GSE1: variants seen among roughly 807,000 people sequenced by gnomAD.
GSE1 encodes Gse1 coiled-coil protein, also known as genetic suppressor element 1.
A neutral mutation model predicts 112.6 loss-of-function variants in GSE1; 32 were observed. The ratio of observed to expected loss-of-function variants is 0.28; its 90% confidence interval spans 0.21 to 0.38. The LOEUF (loss-of-function observed/expected upper bound fraction) is 0.38. Among genes scored for constraint, GSE1 ranks in the 10% least tolerant of loss-of-function variants. The probability of loss-of-function intolerance (pLI) is 1.00; values close to 1 mark genes in which losing one functional copy is unlikely to be tolerated. For missense variants in GSE1, 2,348 were observed against 1,699.2 expected (o/e 1.38, Z -6.71); for synonymous variants, 1,115 against 735.6 (o/e 1.52, Z -8.35).
At chr16:85,324,859 A>G (rs2046193183) in intron 1 of GSE1, among the ~76,000 whole-genome samples, 1 of 152,192 alleles carries the variant, frequency 6.6e-6, no homozygotes, top group Non-Finnish European at 1.5e-5. Flanking sequence ...GGGTGATGGA[A>G]GAGTTCTGGA....
chr16:85,235,475 G>A (rs1475472130), intron 1 of GSE1, among the ~76,000 whole-genome samples: 1 of 131,074 alleles, frequency 7.6e-6, no homozygotes, highest in African/African-American at 2.8e-5. Context: ...TGTGTGTAGG[G>A]GGTGTGTTCT....
chr16:85,523,998 T>C (rs2052279756), intron 2 of GSE1, among the ~76,000 whole-genome samples: 1 of 152,132 alleles, frequency 6.6e-6, no homozygotes, highest in Non-Finnish European at 1.5e-5. Flanking sequence ...GGTGATGCTG[T>C]TTCCGAGACC....
rs571183098 is a variant in GSE1 at position 85,311,675 on chromosome 16, G to A, written c.2284-45788G>A. Among the ~76,000 whole-genome samples the A allele has an allele frequency of 1.7e-3, 262 of 152,272 alleles. 2 individuals carry two copies. Among genetic ancestry groups the A allele is most frequent in the African/African-American group, 6.2e-3 (259 of 41,566 alleles). ...GTACCTGGGCCTGGTGGCTCTGTCT[G>A]TGGCTCTCTTGGGGCCCTGGATACC... On this transcript the variant is annotated intron_variant, in intron 1 of 2. Coordinates refer to the GSE1 transcript ENST00000637419. This position sits in a 1 kb window ranked among gnomAD's most constrained non-coding sequence, Gnocchi z 4.2.
In GSE1 at chr16:85,634,008, C is replaced by T; in HGVS notation, c.102C>T (p.Leu34=). The T allele has an allele frequency of 6.2e-7, 1 of 1,612,500 alleles. No homozygotes were observed. The highest frequency in any genetic ancestry group is 8.5e-7 in the Non-Finnish European group (1 of 1,179,484). ...TCAACCCCCTCACCCCCTCGCCGCT[C>T]AATGGCGCCCTGGTGCCCAGCGGCA... ...ATVNPLTPSP[L]NGALVPSGSP... is the part of the protein sequence containing the mutation. The change falls in exon 2 of 16, where the codon CTC becomes CTT. Residue 34 remains leucine, a synonymous_variant. Coordinates refer to ENST00000253458, the MANE Select transcript of GSE1 (RefSeq NM_014615.5).
chr16:85,288,369 A>G (rs1227324382), intron 1 of GSE1, among the ~76,000 whole-genome samples: 1 of 152,234 alleles, frequency 6.6e-6, no homozygotes, highest in Non-Finnish European at 1.5e-5. Context: ...CTCGTAGGAC[A>G]ATACAGCCAA....
intron 2 of GSE1, among the ~76,000 whole-genome samples, chr16:85,519,906 G>T (rs2052123203): frequency 6.6e-6 from 1 of 152,200 alleles, no homozygotes; most frequent in Non-Finnish European, 1.5e-5. Flanking sequence ...TAAGGAGAAG[G>T]AAGGCACCTT....
chr16:85,668,941 C>T (rs571045763), intron 14 of GSE1, among the ~76,000 whole-genome samples: 120 of 152,344 alleles, frequency 7.9e-4, no homozygotes, highest in Non-Finnish European at 1.3e-3. Context: ...AAGGCTTAGT[C>T]GAAGGCTTGC....
chr16:85,188,825 AC>A (rs2074763519), intron 1 of GSE1, among the ~76,000 whole-genome samples: 31 of 151,648 alleles, frequency 2.0e-4, no homozygotes, highest in Middle Eastern at 3.4e-3. Context: ...AAAAAACAAA[AC>A]AAAAAAACAC....
At chr16:85,639,100 C>T (rs1462467280) in intron 2 of GSE1, among the ~76,000 whole-genome samples, 2 of 152,232 alleles carry the variant, frequency 1.3e-5, no homozygotes, top group East Asian at 3.9e-4. Context: ...GCCTGGGCTG[C>T]AGTCTGAGCC....
At chr16:85,265,524 T>G (rs1489219165) in intron 1 of GSE1, among the ~76,000 whole-genome samples, 1 of 152,164 alleles carries the variant, frequency 6.6e-6, no homozygotes, top group Non-Finnish European at 1.5e-5. Context: ...CTATATCTCA[T>G]AACTGGGCAG....
chr16:85,388,866 G>A (rs542575087), intron 2 of GSE1, among the ~76,000 whole-genome samples: 1 of 152,328 alleles, frequency 6.6e-6, no homozygotes, highest in South Asian at 2.1e-4. Flanking sequence ...ATTGAGCCAG[G>A]ACAAGTGACT....
At chr16:85,379,268 T>C (rs1339581544) in intron 2 of GSE1, among the ~76,000 whole-genome samples, 4 of 152,160 alleles carry the variant, frequency 2.6e-5, no homozygotes, top group Non-Finnish European at 5.9e-5. Flanking sequence ...CCAATCCTGG[T>C]CTGGTGTCCA....
chr16:85,199,155 G>A (rs2074982449), intron 1 of GSE1, among the ~76,000 whole-genome samples: 1 of 151,990 alleles, frequency 6.6e-6, no homozygotes, highest in Non-Finnish European at 1.5e-5. Context: ...CAGGGTTTCA[G>A]CATGTTGGCC....
At chr16:85,479,930 A>G (rs1481745479) in intron 2 of GSE1, among the ~76,000 whole-genome samples, 2 of 152,128 alleles carry the variant, frequency 1.3e-5, no homozygotes, top group African/African-American at 4.8e-5. Flanking sequence ...AAAGCTCTCC[A>G]TGCCTGGTGT....
chr16:85,474,354 TC>T lies in GSE1; in HGVS notation c.2464+116713del, dbSNP rs1174671939. Among the ~76,000 whole-genome samples the T allele has an allele frequency of 3.3e-5, 5 of 152,104 alleles. No homozygotes were observed. In the East Asian group the frequency reaches 5.8e-4, roughly 18 times the overall value. On this transcript the variant is annotated intron_variant, in intron 2 of 2. Coordinates refer to the GSE1 transcript ENST00000637419. ...GCCCTGCCCTCTGCCCTCCTCCGCATCCTGCCACGTTGGCAGCTGCTGTTGC... is the reference window on the plus strand; with the variant it reads ...GCCCTGCCCTCTGCCCTCCTCCGCATCTGCCACGTTGGCAGCTGCTGTTGC...
At chr16:85,218,949 G>A (rs1054338846) in intron 1 of GSE1, among the ~76,000 whole-genome samples, 2 of 151,988 alleles carry the variant, frequency 1.3e-5, no homozygotes, top group Admixed American at 6.6e-5. Context: ...GTGTGATATC[G>A]GCTCACTGCA....
intron 1 of GSE1, among the ~76,000 whole-genome samples, chr16:85,298,859 G>A (rs947749366): frequency 1.3e-5 from 2 of 152,250 alleles, no homozygotes; most frequent in East Asian, 3.8e-4. Flanking sequence ...TCGGGAGTGG[G>A]TGTGGGGGAG....
intron 2 of GSE1, among the ~76,000 whole-genome samples, chr16:85,366,590 A>G (rs2047190472): frequency 6.6e-6 from 1 of 152,108 alleles, no homozygotes; most frequent in Admixed American, 6.5e-5. Flanking sequence ...TTTAGCAGGG[A>G]CTTTTACCCA....
At chr16:85,501,768 A>G (rs2051376096) in intron 2 of GSE1, among the ~76,000 whole-genome samples, 1 of 152,236 alleles carries the variant, frequency 6.6e-6, no homozygotes. Context: ...CGCTCGGGTC[A>G]GGCTGCTGCC....
Sources: allele counts gnomAD v4.1 joint callset (sites outside exome capture counted in the v4.1 genomes callset), GRCh38; gene constraint gnomAD v4.1.1; non-coding constraint Gnocchi (gnomAD v3.1); transcripts MANE v1.5; gene names NCBI Gene and HGNC (gene_info 2026-07-23, HGNC 2026-07-21).